Variants in AK6 observed in about 807,000 individuals in gnomAD.
The protein encoded by AK6 is adenylate kinase 6, also known as adenylate kinase isoenzyme 6.
Under a neutral mutation model 23.7 loss-of-function variants are expected in AK6, and 24 were observed. That is an observed-to-expected ratio of 1.01 (90% CI 0.73 to 1.43). The LOEUF is 1.43. Ranked by LOEUF, AK6 falls within the 40% of genes most tolerant of loss-of-function variation. AK6 has a pLI of 0.00. For synonymous variants in AK6, 73 were observed against 69.8 expected (o/e 1.05, Z -0.23); for missense variants, 191 against 199.1 (o/e 0.96, Z 0.24).
intron 4 of AK6, among the ~76,000 whole-genome samples, chr5:69,354,594 T>C (rs1368341370): frequency 6.6e-6 from 1 of 152,220 alleles, no homozygotes; most frequent in Non-Finnish European, 1.5e-5. Context: ...TAAAAGTTTC[T>C]CTTTACTGGT....
At chr5:69,363,481 T>C (rs1330771148) in intron 2 of AK6, among the ~76,000 whole-genome samples, 1 of 152,176 alleles carries the variant, frequency 6.6e-6, no homozygotes, top group East Asian at 1.9e-4. Context: ...ACATTTCATA[T>C]AGATATAAAA....
chr5:69,368,640 A>C (rs569194581), intron 1 of AK6, among the ~76,000 whole-genome samples: 1 of 152,310 alleles, frequency 6.6e-6, no homozygotes, highest in South Asian at 2.1e-4. Flanking sequence ...TGGGTGAATG[A>C]TGTAACTTTA....
At chr5:69,368,595 A>T (rs1166005626) in intron 1 of AK6, among the ~76,000 whole-genome samples, 1 of 151,658 alleles carries the variant, frequency 6.6e-6, no homozygotes, top group Non-Finnish European at 1.5e-5. Flanking sequence ...TCTCAGAAAC[A>T]GACATGTCTT....
At chr5:69,358,217 T>G (rs1315981962) in intron 2 of AK6, among the ~76,000 whole-genome samples, 1 of 152,102 alleles carries the variant, frequency 6.6e-6, no homozygotes, top group South Asian at 2.1e-4. Flanking sequence ...ATACTTTAAA[T>G]CTTTGACTTT....
At position 69,369,262 on chromosome 5, in the gene AK6, G is replaced by C. The variant is rs1181483070; in HGVS notation, c.28+201C>G. 5.1e-5 allele frequency: 5 copies of C among 97,178 alleles called. No homozygotes were observed. In the East Asian group the frequency reaches 1.7e-3, roughly 32 times the overall value. The allele number at this position is 97,178 out of a possible 1,614,324, so 6.0% of individuals were successfully genotyped here. A position where few individuals can be genotyped will look rare whatever the true frequency, so the allele number is the denominator to read the frequency against. On this transcript the variant is annotated intron_variant, in intron 1 of 4. Coordinates refer to ENST00000380822, the MANE Select transcript of AK6 (RefSeq NM_016283.5). ...CCCCCCCCCGGAGCCTCAGGCCAACGGAATTAACGTTCCGCGTCCCCTCCC... is the reference window on the plus strand; with the variant it reads ...CCCCCCCCCGGAGCCTCAGGCCAACCGAATTAACGTTCCGCGTCCCCTCCC...
At chr5:69,360,460 G>A (rs978712890) in intron 2 of AK6, among the ~76,000 whole-genome samples, 1 of 152,160 alleles carries the variant, frequency 6.6e-6, no homozygotes, top group African/African-American at 2.4e-5. Context: ...ATTTAGAGCT[G>A]TAAACATCTG....
At chr5:69,367,192 G>A (rs1395881798) in intron 1 of AK6, among the ~76,000 whole-genome samples, 1 of 152,072 alleles carries the variant, frequency 6.6e-6, no homozygotes, top group East Asian at 1.9e-4. Context: ...ACTGCCTGCT[G>A]CTACCGGGGA....
At chr5:69,353,534 G>C (rs1762005266) in intron 4 of AK6, among the ~76,000 whole-genome samples, 1 of 152,068 alleles carries the variant, frequency 6.6e-6, no homozygotes, top group African/African-American at 2.4e-5. Context: ...CTGACCTCAT[G>C]ATTCAGCCAC....
chr5:69,361,214 C>T (rs957201243), intron 2 of AK6, among the ~76,000 whole-genome samples: 4 of 151,706 alleles, frequency 2.6e-5, no homozygotes, highest in Non-Finnish European at 5.9e-5. Context: ...AGTGCAGTGG[C>T]GCGATCTTGG....
chr5:69,366,680 T>C (rs1276522813), intron 1 of AK6, 85 bp from the exon 2 acceptor site: 4 of 1,018,412 alleles, frequency 3.9e-6, no homozygotes, highest in East Asian at 4.8e-5. Context: ...CTTTTATTTT[T>C]GAGACAGAGT....
In AK6 at chr5:69,352,223, A is replaced by G. The variant is rs1376837905; in HGVS notation, c.357T>C (p.Asn119=). 2.5e-6 allele frequency: 4 copies of G among 1,613,420 alleles called. No individual in the cohort carries two copies. Among genetic ancestry groups the G allele is most frequent in the Non-Finnish European group, 3.4e-6 (4 of 1,179,748 alleles). Residue 119 remains asparagine, a synonymous_variant, in exon 5 of 5, where the codon AAT becomes AAC. Coordinates refer to ENST00000380822, the MANE Select transcript of AK6 (RefSeq NM_016283.5). ...GAACTTGAAAAATCTCACACTGAAT[A>G]TTGTCTGTTAGTTTCTTCTCATTAT... ...RGYNEKKLTD[N]IQCEIFQVLY...
At chr5:69,363,894 C>A (rs970155765) in intron 2 of AK6, among the ~76,000 whole-genome samples, 6 of 151,982 alleles carry the variant, frequency 3.9e-5, no homozygotes, top group African/African-American at 1.4e-4. Context: ...TCAAGACCAG[C>A]CTGGACAACA....
At chr5:69,369,413 T>G in intron 1 of AK6, 50 bp downstream of exon 1, 1 of 1,598,546 alleles carries the variant, frequency 6.3e-7, no homozygotes, top group Non-Finnish European at 8.5e-7. Flanking sequence ...CAGAGCACTC[T>G]GCGCCCCCAG....
chr5:69,368,660 C>T (rs148209987), intron 1 of AK6, among the ~76,000 whole-genome samples: 1 of 152,350 alleles, frequency 6.6e-6, no homozygotes, highest in African/African-American at 2.4e-5. Flanking sequence ...ACTGTTCCCA[C>T]AAAGAGTCTT....
chr5:69,362,466 A>T (rs1040681617), intron 2 of AK6, among the ~76,000 whole-genome samples: 12 of 152,222 alleles, frequency 7.9e-5, no homozygotes, highest in African/African-American at 2.7e-4. Flanking sequence ...GATCTGGGTT[A>T]AAAAATCTGG....
At chr5:69,365,181 C>T in intron 2 of AK6, 1 of 1,614,182 alleles carries the variant, frequency 6.2e-7, no homozygotes, top group Non-Finnish European at 8.5e-7. Flanking sequence ...TACTGTAAAC[C>T]TTTGACCTGT....
chr5:69,359,013 G>A (rs1561215675), intron 2 of AK6, among the ~76,000 whole-genome samples: 1 of 151,790 alleles, frequency 6.6e-6, no homozygotes, highest in Non-Finnish European at 1.5e-5. Context: ...GGCCGAGGTG[G>A]GAGGATCTCT....
At chr5:69,365,161 T>A in intron 2 of AK6, 1 of 1,614,210 alleles carries the variant, frequency 6.2e-7, no homozygotes, top group Non-Finnish European at 8.5e-7. Context: ...GACTGAGAAG[T>A]AGGCATCTGT....
intron 2 of AK6, among the ~76,000 whole-genome samples, chr5:69,357,183 G>A (rs1185015038): frequency 6.6e-6 from 1 of 152,182 alleles, no homozygotes; most frequent in Non-Finnish European, 1.5e-5. Flanking sequence ...ACACTGGAGG[G>A]CACAAAAGCA....
Sources: gnomAD v4.1 joint callset for allele counts (sites outside exome capture counted in the v4.1 genomes callset) on GRCh38, gnomAD v4.1.1 for gene constraint, MANE v1.5 for transcripts, NCBI Gene and HGNC (gene_info 2026-07-23, HGNC 2026-07-21) for gene names.